GRB2: variants seen among roughly 807,000 people sequenced by gnomAD.
GRB2 encodes the protein growth factor receptor-bound protein 2.
A neutral mutation model predicts 27.4 loss-of-function variants in GRB2; 2 were observed. That is an observed-to-expected ratio of 0.07 (90% confidence interval 0.03 to 0.23). The LOEUF (loss-of-function observed/expected upper bound fraction) is 0.23. Ranked by LOEUF, GRB2 falls within the 10% of genes least tolerant of loss-of-function variation. GRB2 has a pLI of 1.00. For synonymous variants in GRB2, 94 were observed against 99.6 expected (o/e 0.94, Z 0.33); for missense variants, 102 against 282.4 (o/e 0.36, Z 4.58).
intron 4 of GRB2, among the ~76,000 whole-genome samples, chr17:75,322,504 G>T (rs1448867979): frequency 6.6e-6 from 1 of 152,134 alleles, no homozygotes; most frequent in Non-Finnish European, 1.5e-5. Context: ...CAGGAAGAAG[G>T]TGAGGAGGGC....
chr17:75,358,873 ACT>A (rs2078755027), intron 2 of GRB2, among the ~76,000 whole-genome samples: 1 of 73,310 alleles, frequency 1.4e-5, no homozygotes, highest in Admixed American at 1.8e-4. Flanking sequence ...ACAGGGCAAG[ACT>A]CTGTCTCAAA....
intron 3 of GRB2, among the ~76,000 whole-genome samples, chr17:75,328,295 G>A (rs2078513788): frequency 6.6e-6 from 1 of 151,670 alleles, no homozygotes. Context: ...CCGCACTCCA[G>A]CCTGGGCGAA....
chr17:75,359,951 T>C (rs1345791097), intron 2 of GRB2, among the ~76,000 whole-genome samples: 1 of 149,156 alleles, frequency 6.7e-6, no homozygotes, highest in Non-Finnish European at 1.5e-5. Context: ...TTGGAAAAAG[T>C]GGTGTGTTAC....
chr17:75,366,569 C>T (rs982534023), intron 2 of GRB2, among the ~76,000 whole-genome samples: 14 of 150,632 alleles, frequency 9.3e-5, no homozygotes, highest in African/African-American at 3.2e-4. Context: ...GAGGCTGAGG[C>T]GGGCGGATCA....
intron 2 of GRB2, among the ~76,000 whole-genome samples, chr17:75,364,888 GA>G (rs1370526129): frequency 3.3e-5 from 5 of 151,706 alleles, no homozygotes; most frequent in African/African-American, 1.2e-4. Flanking sequence ...GTCCATTTAG[GA>G]AAAAAATCTA....
chr17:75,394,001 A>C (rs2079015622), intron 1 of GRB2: 2 of 297,000 alleles, frequency 6.7e-6, no homozygotes, highest in Admixed American at 4.8e-5. Context: ...ATTCCTGAAC[A>C]CACTTCCTCT....
intron 4 of GRB2, among the ~76,000 whole-genome samples, chr17:75,324,085 C>G (rs1352443713): frequency 1.3e-5 from 2 of 152,002 alleles, no homozygotes; most frequent in Non-Finnish European, 2.9e-5. Context: ...GCTGGGATTA[C>G]AGGCATGAGC....
intron 2 of GRB2, among the ~76,000 whole-genome samples, chr17:75,346,087 C>A (rs1021876097): frequency 2.0e-5 from 3 of 150,542 alleles, no homozygotes; most frequent in Admixed American, 1.3e-4. Context: ...AGGAGAGAGT[C>A]GAGGTATTTC....
chr17:75,341,079 C>T (rs1009944177), intron 2 of GRB2, among the ~76,000 whole-genome samples: 2 of 152,082 alleles, frequency 1.3e-5, no homozygotes, highest in Non-Finnish European at 2.9e-5. Context: ...CCAGGTGATA[C>T]GTACTTGGCT....
At chr17:75,322,082 A>G (rs1276409363) in intron 4 of GRB2, among the ~76,000 whole-genome samples, 3 of 152,130 alleles carry the variant, frequency 2.0e-5, no homozygotes, top group Admixed American at 6.5e-5. Flanking sequence ...TTTGTAAGAT[A>G]AAGAGTCCAG....
In GRB2 at chr17:75,318,766, A is replaced by G. The variant is rs1003555810; in HGVS notation, c.*1602T>C. The G allele has an allele frequency of 6.6e-6, 1 of 152,294 alleles. No homozygotes were observed. Among genetic ancestry groups the G allele is most frequent in the African/African-American group, 2.4e-5 (1 of 41,436 alleles). The allele number at this position is 152,294 out of a possible 1,614,324, so 9.4% of individuals were successfully genotyped here. On this transcript the variant is annotated 3_prime_UTR_variant, in exon 6 of 6. Coordinates refer to ENST00000316804, the MANE Select transcript of GRB2 (RefSeq NM_002086.5). ...GCCCTCACACTCACCTGGACAGGTC[A>G]GGGGACACAGGATGAAAGCCATGGC...
intron 2 of GRB2, among the ~76,000 whole-genome samples, chr17:75,355,543 T>G (rs2078726173): frequency 7.3e-6 from 1 of 137,466 alleles, no homozygotes; most frequent in Non-Finnish European, 1.5e-5. Context: ...TGGGCCATAC[T>G]GGAAAAAAAA....
At chr17:75,337,837 A>G (rs1274785524) in intron 2 of GRB2, among the ~76,000 whole-genome samples, 1 of 148,784 alleles carries the variant, frequency 6.7e-6, no homozygotes, top group African/African-American at 2.4e-5. Context: ...AAGTGCTGGG[A>G]TTATAGGCGT....
At chr17:75,325,862 A>G (rs2145820908) in intron 4 of GRB2, 36 bp downstream of exon 4, 2 of 1,611,022 alleles carry the variant, frequency 1.2e-6, no homozygotes. Context: ...TCAGTCAGAG[A>G]CAGGATTCCA....
At chr17:75,332,945 T>G (rs2078550908) in intron 2 of GRB2, 148 bp from the exon 3 acceptor site, 4 of 502,302 alleles carry the variant, frequency 8.0e-6, no homozygotes, top group Middle Eastern at 5.1e-4. Context: ...TCCTTTTAAC[T>G]TCAAACAACC....
chr17:75,380,440 C>T (rs1393962236), intron 2 of GRB2, among the ~76,000 whole-genome samples: 2 of 151,830 alleles, frequency 1.3e-5, no homozygotes, highest in East Asian at 1.9e-4. Context: ...TGTTACCCAA[C>T]ATCACACTCT....
intron 2 of GRB2, chr17:75,344,547 C>G (rs1236907539): frequency 6.6e-6 from 1 of 152,056 alleles, no homozygotes; most frequent in Admixed American, 6.6e-5. Context: ...TGCCTGCCAC[C>G]AAGCTGGCTA....
chr17:75,340,108 G>T (rs149137810), intron 2 of GRB2, among the ~76,000 whole-genome samples: 137 of 152,240 alleles, frequency 9.0e-4, no homozygotes, highest in Middle Eastern at 3.4e-3. Context: ...GAAATAGGCT[G>T]TACAGTTATG....
chr17:75,328,932 G>A (rs1478099763), intron 3 of GRB2, among the ~76,000 whole-genome samples: 2 of 125,482 alleles, frequency 1.6e-5, no homozygotes, highest in Non-Finnish European at 3.4e-5. Flanking sequence ...AGCGAGACTC[G>A]CTTTCAAAAA....
Sources: allele counts gnomAD v4.1 joint callset (sites outside exome capture counted in the v4.1 genomes callset), GRCh38; gene constraint gnomAD v4.1.1; transcripts MANE v1.5; gene names NCBI Gene and HGNC (gene_info 2026-07-23, HGNC 2026-07-21).